EPRS1: variants seen among roughly 807,000 people sequenced by gnomAD.
EPRS1 encodes the protein bifunctional glutamate/proline--tRNA ligase.
Under a neutral mutation model 188.3 loss-of-function variants are expected in EPRS1, and 107 were observed. The observed-to-expected ratio is 0.57, with a 90% CI of 0.49 to 0.67. EPRS1 has a LOEUF of 0.67. Among genes scored for constraint, EPRS1 ranks in the 30% least tolerant of loss-of-function variants. The probability of loss-of-function intolerance (pLI) is 0.00; values close to 1 mark genes in which losing one functional copy is unlikely to be tolerated. For synonymous variants in EPRS1, 596 were observed against 593.1 expected (o/e 1.00, Z -0.07); for missense variants, 1,577 against 1,802.2 (o/e 0.88, Z 2.26).
At chr1:219,986,803 G>GTGTGTGTGTGTA (rs1661015182) in intron 20 of EPRS1, among the ~76,000 whole-genome samples, 1 of 152,030 alleles carries the variant, frequency 6.6e-6, no homozygotes, top group East Asian at 1.9e-4. Context: ...GTGTGTGTGT[G>GTGTGTGTGTGTA]TGTATCTGTA....
At position 220,025,795 on chromosome 1, in the gene EPRS1, G is replaced by GA. The variant is rs1553253686; in HGVS notation, c.624-538_624-537insT. On this transcript the variant is annotated intron_variant, in intron 6 of 31. Coordinates refer to ENST00000366923, the MANE Select transcript of EPRS1 (RefSeq NM_004446.3). ...GGTTTTCTCAGATGCCAAAATAAAA[G>GA]TTTTTTTTTTTTTTTTTGAGACGGA... Among the ~76,000 whole-genome samples the GA allele has an allele frequency of 3.9e-3, 554 of 141,522 alleles. 9 individuals are homozygous for GA. Among genetic ancestry groups the GA allele is most frequent in the Middle Eastern group, 7.4e-3 (2 of 272 alleles). The allele number at this position is 141,522 out of a possible 152,430, so 92.8% of individuals were successfully genotyped here.
intron 1 of EPRS1, among the ~76,000 whole-genome samples, chr1:220,041,750 G>T (rs546387452): frequency 6.6e-6 from 1 of 152,218 alleles, no homozygotes; most frequent in East Asian, 1.9e-4. Context: ...TGAGGCAGGA[G>T]AATCACTTGA....
At chr1:220,038,320 G>T (rs555393887) in intron 2 of EPRS1, among the ~76,000 whole-genome samples, 1 of 151,144 alleles carries the variant, frequency 6.6e-6, no homozygotes, top group Admixed American at 6.6e-5. Flanking sequence ...GACCTCAGGT[G>T]ATCTGTCTGC....
In EPRS1 at chr1:220,028,463, ACG is replaced by A. The variant is rs1346295527; in HGVS notation, c.623+1921_623+1922del. On this transcript the variant is annotated intron_variant, in intron 6 of 31. Coordinates refer to ENST00000366923, the MANE Select transcript of EPRS1 (RefSeq NM_004446.3). ...ATCAGAATCGCTAAAACACACACAC[ACG>A]CGCACACACACACACACACAAAAGA... 8.5e-3 allele frequency among the ~76,000 whole-genome samples: 302 copies of A among 35,540 alleles called. 1 individual carries two copies. The highest frequency in any genetic ancestry group is 0.01 in the Non-Finnish European group (235 of 23,026). The allele number at this position is 35,540 out of a possible 152,430, so 23.3% of individuals were successfully genotyped here.
At position 219,968,702 on chromosome 1, in the gene EPRS1, C is replaced by T; in HGVS notation, c.*104G>A. 3.4e-6 allele frequency: 4 copies of T among 1,183,888 alleles called. No individual in the cohort carries two copies. The highest frequency in any genetic ancestry group is 4.8e-6 in the Non-Finnish European group (4 of 830,164). 73.3% of individuals were successfully genotyped at this position (1,183,888 alleles called of 1,614,324 possible). A position where few individuals can be genotyped will look rare whatever the true frequency, so the allele number is the denominator to read the frequency against. On this transcript the variant is annotated 3_prime_UTR_variant, in exon 32 of 32. Coordinates refer to ENST00000366923, the MANE Select transcript of EPRS1 (RefSeq NM_004446.3). ...TGTCCTGTGTGACTTCATTTTAGAA[C>T]TTTTACTTTTTAAAAAATCATAAAA...
intron 24 of EPRS1, 46 bp from the exon 25 acceptor site, chr1:219,980,903 A>C (rs1316820070): frequency 7.9e-7 from 1 of 1,266,596 alleles, no homozygotes; most frequent in Non-Finnish European, 1.1e-6. Flanking sequence ...AGAGCTTTTC[A>C]ATTTTTTTTT....
Position 220,024,821 on chromosome 1 carries a change from G to A in EPRS1, c.750+311C>T, listed in dbSNP as rs141561218. ...TCACATTTTCCAATACCTACTTAGTGTTTATTTCATTCATAAACTTAAGAT... is the reference window on the plus strand; with the variant it reads ...TCACATTTTCCAATACCTACTTAGTATTTATTTCATTCATAAACTTAAGAT... On this transcript the variant is annotated intron_variant, in intron 7 of 31. Coordinates refer to ENST00000366923, the MANE Select transcript of EPRS1 (RefSeq NM_004446.3). 1.2e-4 allele frequency among the ~76,000 whole-genome samples: 18 copies of A among 152,178 alleles called. No individual in the cohort carries two copies. In the East Asian group the frequency reaches 3.1e-3, roughly 26 times the overall value.
At chr1:220,010,083 G>A (rs1049710145) in intron 13 of EPRS1, among the ~76,000 whole-genome samples, 6 of 96,978 alleles carry the variant, frequency 6.2e-5, no homozygotes, top group Admixed American at 1.5e-4. Flanking sequence ...GCCACAAAGC[G>A]CAACTGTCTC....
intron 12 of EPRS1, among the ~76,000 whole-genome samples, chr1:220,011,470 T>G (rs1003324908): frequency 1.3e-5 from 2 of 152,204 alleles, no homozygotes; most frequent in African/African-American, 2.4e-5. Context: ...TATTTTTGTT[T>G]CAGTATTGTT....
intron 20 of EPRS1, among the ~76,000 whole-genome samples, chr1:219,986,536 T>A (rs1266367657): frequency 1.3e-5 from 2 of 152,186 alleles, no homozygotes; most frequent in East Asian, 3.8e-4. Flanking sequence ...GACTGACACA[T>A]CATTATGTGG....
chr1:220,046,017 C>G (rs1362729936), intron 1 of EPRS1, among the ~76,000 whole-genome samples: 1 of 152,162 alleles, frequency 6.6e-6, no homozygotes, highest in Non-Finnish European at 1.5e-5. Context: ...CTCTCGCTCT[C>G]CGGGGGAAAA....
intron 28 of EPRS1, among the ~76,000 whole-genome samples, chr1:219,974,398 G>A (rs1199735511): frequency 2.6e-5 from 4 of 152,178 alleles, no homozygotes. Context: ...GTTCAATCTT[G>A]TGAATGTGTA....
At chr1:219,995,016 A>AAAAT (rs1184424147) in intron 18 of EPRS1, among the ~76,000 whole-genome samples, 2 of 152,164 alleles carry the variant, frequency 1.3e-5, no homozygotes. Flanking sequence ...TTAAAGTCTC[A>AAAAT]GTTTCCAAGA....
chr1:220,027,589 C>A (rs1358866197), intron 6 of EPRS1, among the ~76,000 whole-genome samples: 211 of 78,468 alleles, frequency 2.7e-3, no homozygotes, highest in South Asian at 4.4e-3. Flanking sequence ...GAGGCTATGT[C>A]AAAAAAAAAA....
chr1:220,021,919 C>T (rs1378856152), intron 9 of EPRS1, among the ~76,000 whole-genome samples: 1 of 151,924 alleles, frequency 6.6e-6, no homozygotes, highest in African/African-American at 2.4e-5. Context: ...TACAAATCCA[C>T]ATTGAAAACT....
In EPRS1 at chr1:220,019,990, T is replaced by C; in HGVS notation, c.1347A>G (p.Gly449=). The change falls in exon 10 of 32, where the codon GGA becomes GGG. Residue 449 remains glycine, a splice_region_variant and synonymous_variant. Coordinates refer to ENST00000366923, the MANE Select transcript of EPRS1 (RefSeq NM_004446.3). ...ATTCTAAGTAACATTAAACATACCA[T>C]CCATCTACTAGTCCTTCATTGACAA... The part of the protein sequence containing the change: ...TWFVNEGLVD[G]WDDPRFPTVR... The C allele has an allele frequency of 6.3e-7, 1 of 1,591,380 alleles. No homozygotes were observed. The highest frequency in any genetic ancestry group is 8.6e-7 in the Non-Finnish European group (1 of 1,159,482).
At position 220,022,356 on chromosome 1, in the gene EPRS1, T is replaced by C. The variant is rs780552377; in HGVS notation, c.1106A>G (p.Asn369Ser). Residue 369 changes from asparagine (N) to serine (S), a missense_variant, in exon 9 of 32, where the codon AAT becomes AGT. Coordinates refer to ENST00000366923, the MANE Select transcript of EPRS1 (RefSeq NM_004446.3). ...AAGGAGATATACTTACTTGTATTTA[T>C]TTCCAGTTCTTGGATGTGGTTGAAT... ...CKIQPHPRTG[N>S]KYNVYPTYDF... is the part of the protein sequence containing the mutation. 5 of 1,612,928 alleles carry C rather than the reference T, an allele frequency of 3.1e-6. No individual in the cohort carries two copies. The highest frequency in any genetic ancestry group is 4.2e-6 in the Non-Finnish European group (5 of 1,179,488).
Position 220,032,362 on chromosome 1 carries a change from TAA to T in EPRS1, c.528+23_528+24del, listed in dbSNP as rs34457701. Reference sequence around the variant, plus strand: ...CAGCCTCCCAAAGTGTTTTTTTTTTTAAAAAAAAAGAAAAAAAGGCTTACCAC... The same window carrying T: ...CAGCCTCCCAAAGTGTTTTTTTTTTTAAAAAAAGAAAAAAAGGCTTACCAC... On this transcript the variant is annotated intron_variant, in intron 5 of 31. Coordinates refer to ENST00000366923, the MANE Select transcript of EPRS1 (RefSeq NM_004446.3). 16 of 1,503,664 alleles carry T rather than the reference TAA, an allele frequency of 1.1e-5. No individual in the cohort carries two copies. In the African/African-American group the frequency reaches 2.0e-4, roughly 19 times the overall value. 93.1% of individuals were successfully genotyped at this position (1,503,664 alleles called of 1,614,324 possible). A position where few individuals can be genotyped will look rare whatever the true frequency, so the allele number is the denominator to read the frequency against.
intron 26 of EPRS1, 106 bp downstream of exon 26, chr1:219,979,979 C>T: frequency 1.2e-6 from 1 of 864,158 alleles, no homozygotes; most frequent in Non-Finnish European, 1.7e-6. Flanking sequence ...GTACATGAAA[C>T]ACTTATTTTT....
Sources: allele counts gnomAD v4.1 joint callset (sites outside exome capture counted in the v4.1 genomes callset), GRCh38; gene constraint gnomAD v4.1.1; transcripts MANE v1.5; gene names NCBI Gene and HGNC (gene_info 2026-07-23, HGNC 2026-07-21).